Variants in CDK17 observed in about 807,000 individuals in gnomAD.
CDK17 encodes the protein cyclin dependent kinase 17.
Under a neutral mutation model 77.6 loss-of-function variants are expected in CDK17, and 24 were observed. The observed-to-expected ratio is 0.31, with a 90% CI of 0.22 to 0.44. CDK17 has a LOEUF of 0.44. Among genes scored for constraint, CDK17 ranks in the 20% least tolerant of loss-of-function variants. The pLI is 1.00. For synonymous variants in CDK17, 203 were observed against 210.4 expected (o/e 0.96, Z 0.30); for missense variants, 429 against 622.5 (o/e 0.69, Z 3.31).
chr12:96,290,565 T>G (rs1398095000), intron 10 of CDK17, among the ~76,000 whole-genome samples: 1 of 152,236 alleles, frequency 6.6e-6, no homozygotes, highest in Non-Finnish European at 1.5e-5. Flanking sequence ...ATGTTGACAT[T>G]CCTTCATTTA....
chr12:96,338,935 C>A (rs1213349403), intron 1 of CDK17, among the ~76,000 whole-genome samples: 1 of 151,876 alleles, frequency 6.6e-6, no homozygotes, highest in African/African-American at 2.4e-5. Context: ...GATGTAAACT[C>A]TGTACCCATT....
intron 1 of CDK17, among the ~76,000 whole-genome samples, chr12:96,358,186 C>G (rs1402668592): frequency 1.3e-5 from 2 of 151,372 alleles, no homozygotes; most frequent in Non-Finnish European, 2.9e-5. Flanking sequence ...TTTATGATGA[C>G]AGTTACAAAT....
At chr12:96,308,426 C>T (rs1051306258) in intron 5 of CDK17, among the ~76,000 whole-genome samples, 3 of 151,440 alleles carry the variant, frequency 2.0e-5, no homozygotes, top group African/African-American at 7.3e-5. Context: ...AAAATAGTTC[C>T]ATTATATAAT....
chr12:96,330,501 T>C lies in CDK17; in HGVS notation c.118+4218A>G, dbSNP rs78034371. Reference sequence around the variant, plus strand: ...TTTCATATTGCTAAAGGAGATCCCATACACAATAACCAGTCACTCCTCAGT... The same window carrying C: ...TTTCATATTGCTAAAGGAGATCCCACACACAATAACCAGTCACTCCTCAGT... On this transcript the variant is annotated intron_variant, in intron 2 of 16. Transcript: ENST00000261211. Among the ~76,000 whole-genome samples, 444 of 152,322 alleles carry C rather than the reference T, an allele frequency of 2.9e-3. 3 individuals are homozygous for C. The highest frequency in any genetic ancestry group is 9.9e-3 in the African/African-American group (411 of 41,578).
In CDK17 at chr12:96,278,708, T is replaced by A. The variant is rs551463359; in HGVS notation, c.*1534A>T. On this transcript the variant is annotated 3_prime_UTR_variant, in exon 17 of 17. Coordinates refer to ENST00000261211, the MANE Select transcript of CDK17 (RefSeq NM_002595.5). ...TACAAGGTTTAACATAAAACCAATTTACAAATGTGAAAAGCAGTAGTGGTC... is the reference window on the plus strand; with the variant it reads ...TACAAGGTTTAACATAAAACCAATTAACAAATGTGAAAAGCAGTAGTGGTC... 6.5e-6 allele frequency: 1 copy of A among 152,722 alleles called. No homozygotes were observed. Among genetic ancestry groups the A allele is most frequent in the Non-Finnish European group, 1.5e-5 (1 of 67,970 alleles). 9.5% of individuals were successfully genotyped at this position (152,722 alleles called of 1,614,324 possible).
chr12:96,331,954 C>A (rs1462259664), intron 2 of CDK17, among the ~76,000 whole-genome samples: 1 of 152,272 alleles, frequency 6.6e-6, no homozygotes, highest in East Asian at 1.9e-4. Flanking sequence ...CAGACAATGA[C>A]AGACATCATA....
intron 2 of CDK17, among the ~76,000 whole-genome samples, chr12:96,330,322 G>C (rs146152343): frequency 5.7e-4 from 86 of 151,476 alleles, no homozygotes; most frequent in African/African-American, 2.1e-3. Context: ...CAAATACATT[G>C]AGTGTTTATG....
chr12:96,375,848 G>A (rs1420386376), intron 1 of CDK17, among the ~76,000 whole-genome samples: 1 of 152,032 alleles, frequency 6.6e-6, no homozygotes, highest in African/African-American at 2.4e-5. Flanking sequence ...TTATTAAGCT[G>A]CAGACTCACC....
chr12:96,356,634 T>C (rs1362701923), intron 1 of CDK17, among the ~76,000 whole-genome samples: 1 of 152,192 alleles, frequency 6.6e-6, no homozygotes, highest in African/African-American at 2.4e-5. Context: ...TTCACTATAT[T>C]GGAACCCCTA....
chr12:96,289,340 C>G, intron 10 of CDK17, 53 bp from the exon 11 acceptor site: 1 of 1,603,802 alleles, frequency 6.2e-7, no homozygotes, highest in Non-Finnish European at 8.5e-7. Context: ...ATGGATCTCT[C>G]AGACCCTATT....
intron 1 of CDK17, among the ~76,000 whole-genome samples, chr12:96,349,808 T>C (rs1366064178): frequency 1.3e-5 from 2 of 151,998 alleles, no homozygotes; most frequent in African/African-American, 2.4e-5. Context: ...GGCAGCCAAA[T>C]AGGAAATGAA....
At chr12:96,394,323 C>G (rs1016653756) in intron 1 of CDK17, among the ~76,000 whole-genome samples, 2 of 151,546 alleles carry the variant, frequency 1.3e-5, no homozygotes, top group Admixed American at 6.6e-5. Flanking sequence ...TAATAACAAA[C>G]ATTACCCATC....
intron 1 of CDK17, among the ~76,000 whole-genome samples, chr12:96,364,050 G>C (rs1045440087): frequency 2.0e-5 from 3 of 152,112 alleles, no homozygotes; most frequent in Non-Finnish European, 2.9e-5. Context: ...TCTTTACTTG[G>C]CATAAGAATT....
At chr12:96,316,308 C>A (rs1436531591) in intron 3 of CDK17, among the ~76,000 whole-genome samples, 2 of 151,968 alleles carry the variant, frequency 1.3e-5, no homozygotes, top group Non-Finnish European at 2.9e-5. Flanking sequence ...GGGTCCTACG[C>A]CCACGGAGTC....
chr12:96,355,377 C>T (rs1297243267), intron 1 of CDK17, among the ~76,000 whole-genome samples: 2 of 145,440 alleles, frequency 1.4e-5, no homozygotes. Context: ...CACAGTCTTG[C>T]TGTCTAACAT....
chr12:96,285,825 C>T lies in CDK17; in HGVS notation c.1322+218G>A, dbSNP rs149084402. On this transcript the variant is annotated intron_variant, in intron 13 of 16. Transcript: ENST00000261211. ...GAATTTCATCATAATCTCTGTGGTACGGAATAAGGCATTAATCAATGTCTT... is the reference window on the plus strand; with the variant it reads ...GAATTTCATCATAATCTCTGTGGTATGGAATAAGGCATTAATCAATGTCTT... The T allele has an allele frequency of 2.9e-4, 81 of 275,536 alleles. No individual in the cohort carries two copies. In the East Asian group the frequency reaches 3.3e-3, roughly 11 times the overall value. 17.1% of individuals were successfully genotyped at this position (275,536 alleles called of 1,614,324 possible).
chr12:96,280,260 T>C lies in CDK17; in HGVS notation c.1554A>G (p.Arg518=), dbSNP rs1015412809. The C allele has an allele frequency of 6.4e-7, 1 of 1,551,230 alleles. No homozygotes were observed. The highest frequency in any genetic ancestry group is 1.4e-5 in the African/African-American group (1 of 73,020). The change falls in exon 17 of 17, where the codon AGA becomes AGG. Residue 518 remains arginine (R), a synonymous_variant. Coordinates refer to ENST00000261211, the MANE Select transcript of CDK17 (RefSeq NM_002595.5). ...ATCAGACTTAAAAGAGCATGCTCTG[T>C]CTTCTGTTCTTCCCATGTCCTAAAA... ...YPETGHGKNR[R]QSMLF
At chr12:96,298,685 CATT>C (rs1952449906) in intron 7 of CDK17, among the ~76,000 whole-genome samples, 181 bp downstream of exon 7, 1 of 152,116 alleles carries the variant, frequency 6.6e-6, no homozygotes, top group Non-Finnish European at 1.5e-5. Context: ...ATTCAGATTT[CATT>C]ATAAGTTATA....
intron 2 of CDK17, among the ~76,000 whole-genome samples, chr12:96,327,080 A>T (rs1952900946): frequency 6.6e-6 from 1 of 152,198 alleles, no homozygotes; most frequent in African/African-American, 2.4e-5. Flanking sequence ...TCTTGATTGC[A>T]GTGGTTATAC....
Sources: gnomAD v4.1 joint callset for allele counts (sites outside exome capture counted in the v4.1 genomes callset) on GRCh38, gnomAD v4.1.1 for gene constraint, MANE v1.5 for transcripts, NCBI Gene and HGNC (gene_info 2026-07-23, HGNC 2026-07-21) for gene names.